Variants in AGFG1 observed in about 807,000 individuals in gnomAD.
The protein encoded by AGFG1 is arf-GAP domain and FG repeat-containing protein 1.
In AGFG1, 10 loss-of-function variants were observed where a neutral mutation model predicts 60.6. The ratio of observed to expected loss-of-function variants is 0.16; its 90% CI spans 0.10 to 0.28. The LOEUF is 0.28. Among genes scored for constraint, AGFG1 ranks in the 10% least tolerant of loss-of-function variants. The pLI is 1.00. For missense variants in AGFG1, 537 were observed against 676.5 expected (o/e 0.79, Z 2.29); for synonymous variants, 247 against 242.9 (o/e 1.02, Z -0.16).
At chr2:227,544,390 G>A (rs1474481005) in intron 10 of AGFG1, among the ~76,000 whole-genome samples, 2 of 151,882 alleles carry the variant, frequency 1.3e-5, no homozygotes, top group South Asian at 2.1e-4. Context: ...TCCTGACCTC[G>A]TCATCTGCCT....
At chr2:227,490,512 A>T (rs1690778300) in intron 1 of AGFG1, among the ~76,000 whole-genome samples, 1 of 150,256 alleles carries the variant, frequency 6.7e-6, no homozygotes. Flanking sequence ...CGGGAGGTGG[A>T]GCTTGCAGTG....
chr2:227,525,208 T>G (rs1461853956), intron 5 of AGFG1, among the ~76,000 whole-genome samples: 3 of 152,236 alleles, frequency 2.0e-5, no homozygotes, highest in Admixed American at 6.5e-5. Context: ...AATTGGATAC[T>G]CTAACGTTTA....
intron 2 of AGFG1, among the ~76,000 whole-genome samples, chr2:227,511,775 G>C (rs1691503185): frequency 6.6e-6 from 1 of 152,176 alleles, no homozygotes; most frequent in African/African-American, 2.4e-5. Context: ...TCAGAGAGGA[G>C]GTTCCTGCCT....
chr2:227,481,345 C>CATA (rs1362115553), intron 1 of AGFG1, among the ~76,000 whole-genome samples: 1 of 151,956 alleles, frequency 6.6e-6, no homozygotes, highest in Admixed American at 6.6e-5. Context: ...TGTGGTATAA[C>CATA]CTCTTTAAAA....
rs1575124170 is a variant in AGFG1, at chr2:227,556,441, A to C, written c.*1946A>C. ...TCTTTTAGAATTAAATGAATGCTGC[A>C]CAGGTCCAGATGTGTGTTGATGTAG... On this transcript the variant is annotated 3_prime_UTR_variant, in exon 13 of 13. Coordinates refer to ENST00000310078, the MANE Select transcript of AGFG1 (RefSeq NM_004504.5). The C allele has an allele frequency of 1.3e-5, 2 of 152,642 alleles. No homozygotes were observed. Among genetic ancestry groups the C allele is most frequent in the Admixed American group, 6.5e-5 (1 of 15,286 alleles). The allele number at this position is 152,642 out of a possible 1,614,324, so 9.5% of individuals were successfully genotyped here.
At chr2:227,508,544 T>C (rs1209657619) in intron 2 of AGFG1, 4 of 458,464 alleles carry the variant, frequency 8.7e-6, no homozygotes, top group Non-Finnish European at 9.0e-6. Context: ...ATATGTGAGG[T>C]AGGGAGGCAA....
chr2:227,512,657 G>A (rs925684549), intron 2 of AGFG1, among the ~76,000 whole-genome samples: 2 of 152,068 alleles, frequency 1.3e-5, no homozygotes, highest in South Asian at 4.1e-4. Flanking sequence ...GCTTCTAATG[G>A]TATTTACTGT....
At chr2:227,531,513 C>T (rs534446557) in intron 6 of AGFG1, among the ~76,000 whole-genome samples, 2 of 138,494 alleles carry the variant, frequency 1.4e-5, no homozygotes, top group East Asian at 4.2e-4. Context: ...AAGTATTTCT[C>T]TCTCTCTGTC....
intron 1 of AGFG1, among the ~76,000 whole-genome samples, chr2:227,491,318 G>A (rs1265638465): frequency 6.6e-6 from 1 of 152,052 alleles, no homozygotes; most frequent in African/African-American, 2.4e-5. Context: ...TTTTAACTAG[G>A]TGGTTAATTG....
chr2:227,484,434 G>T (rs944283928), intron 1 of AGFG1, among the ~76,000 whole-genome samples: 1 of 151,982 alleles, frequency 6.6e-6, no homozygotes, highest in Non-Finnish European at 1.5e-5. Context: ...TGATCCACCC[G>T]CCTGCTGGGA....
At chr2:227,535,943 G>C (rs1030226000) in intron 8 of AGFG1, among the ~76,000 whole-genome samples, 3 of 152,152 alleles carry the variant, frequency 2.0e-5, no homozygotes, top group Non-Finnish European at 4.4e-5. Flanking sequence ...ATAATTCTGA[G>C]AGATTGTTTA....
intron 5 of AGFG1, among the ~76,000 whole-genome samples, chr2:227,526,602 G>A (rs1478221310): frequency 6.9e-6 from 1 of 144,828 alleles, no homozygotes; most frequent in Admixed American, 7.0e-5. Flanking sequence ...GTGTGCAGTG[G>A]CACAATCTTG....
intron 2 of AGFG1, among the ~76,000 whole-genome samples, chr2:227,501,144 G>C (rs1241811276): frequency 6.6e-6 from 1 of 152,078 alleles, no homozygotes; most frequent in Non-Finnish European, 1.5e-5. Context: ...GGAGTAGTGT[G>C]ATCTTGGCTA....
intron 7 of AGFG1, 119 bp downstream of exon 7, chr2:227,533,877 C>A: frequency 1.1e-6 from 1 of 910,074 alleles, no homozygotes. Context: ...GAAATTTTGT[C>A]TGCACTGTCA....
At chr2:227,553,659 T>A in intron 11 of AGFG1, 45 bp from the exon 12 acceptor site, 4 of 1,454,764 alleles carry the variant, frequency 2.7e-6, no homozygotes, top group Non-Finnish European at 3.9e-6. Flanking sequence ...CATCAGATTG[T>A]CTCTTGAAGG....
intron 1 of AGFG1, 115 bp downstream of exon 1, chr2:227,472,703 C>A: frequency 1.7e-6 from 2 of 1,196,450 alleles, no homozygotes; most frequent in South Asian, 4.7e-5. Flanking sequence ...GGGAGGCGGT[C>A]GGGGGCGGCC....
At position 227,524,831 on chromosome 2, in the gene AGFG1, G is replaced by C; in HGVS notation, c.610G>C (p.Gly204Arg). 1 of 1,614,094 alleles carries C rather than the reference G, an allele frequency of 6.2e-7. No homozygotes were observed. Among genetic ancestry groups the C allele is most frequent in the Non-Finnish European group, 8.5e-7 (1 of 1,179,994 alleles). ...GCAATTTGACCTTTTAAGTGATCTC[G>C]GCTCAGACATCTTTGCTGCTCCAGC... Reference protein sequence around the residue: ...KKQFDLLSDLGSDIFAAPAPQ... With the variant: ...KKQFDLLSDLRSDIFAAPAPQ... Residue 204 changes from glycine to arginine, a missense_variant, in exon 5 of 13, where the codon GGC becomes CGC. Gly to Arg is a moderately radical substitution (Grantham distance 125, BLOSUM62 -2). This residue lies in a region of AGFG1 where 102 missense variants were observed against 82.9 expected (regional missense o/e 1.23). Coordinates refer to ENST00000310078, the MANE Select transcript of AGFG1 (RefSeq NM_004504.5).
In AGFG1 at chr2:227,536,543, A is replaced by G. The variant is rs531458833; in HGVS notation, c.1206-82A>G. ...TGATGCTGTGATACACGATATGTTC[A>G]TTATTTTATGGCTACCCTGTAAATC... On this transcript the variant is annotated intron_variant, in intron 8 of 12. Coordinates refer to ENST00000310078, the MANE Select transcript of AGFG1 (RefSeq NM_004504.5). 11 of 1,170,206 alleles carry G rather than the reference A, an allele frequency of 9.4e-6. No individual in the cohort carries two copies. The South Asian group carries it at 1.0e-4, about 11-fold the overall frequency. The allele number at this position is 1,170,206 out of a possible 1,614,324, so 72.5% of individuals were successfully genotyped here. A position where few individuals can be genotyped will look rare whatever the true frequency, so the allele number is the denominator to read the frequency against.
intron 2 of AGFG1, among the ~76,000 whole-genome samples, chr2:227,497,827 C>T (rs970730190): frequency 6.9e-6 from 1 of 145,038 alleles, no homozygotes; most frequent in Admixed American, 7.1e-5. Context: ...TCACTGCAAC[C>T]TCCACCTCCC....
Sources: allele counts gnomAD v4.1 joint callset (sites outside exome capture counted in the v4.1 genomes callset), GRCh38; gene constraint gnomAD v4.1.1; regional missense constraint gnomAD v4.1.1; transcripts MANE v1.5; gene names NCBI Gene and HGNC (gene_info 2026-07-23, HGNC 2026-07-21).